Variants in FER1L5 observed in about 807,000 individuals in gnomAD.
The protein encoded by FER1L5 is fer-1-like protein 5.
In FER1L5, 187 loss-of-function variants were observed where a neutral mutation model predicts 279.9. The ratio of observed to expected loss-of-function variants is 0.67; its 90% CI spans 0.59 to 0.75. FER1L5 has a LOEUF of 0.75. FER1L5 is among the 30% of genes least tolerant of loss of function. FER1L5 has a pLI of 0.00. For synonymous variants in FER1L5, 921 were observed against 989.7 expected, an observed-to-expected ratio of 0.93 and a Z score of 1.30; for missense variants, 2,091 against 2,594.4, an observed-to-expected ratio of 0.81 and a Z score of 4.21.
chr2:96,689,702 C>T lies in FER1L5; in HGVS notation c.2584C>T (p.Gln862Ter). The change falls in exon 26 of 53, where the codon CAG becomes TAG. Residue 862 changes from glutamine (Q) to a stop codon, truncating the protein, a stop_gained. Transcript: ENST00000624922. LOFTEE classifies it high-confidence loss of function. The surrounding 1 kb of genome is among the most constrained non-coding windows in gnomAD (Gnocchi z 4.6). ...GGTGCTGGAGGAGGTATATGAGAAC[C>T]AGGGCCGTGACACCAGAGGGGCCTG... is the stretch of plus-strand genomic sequence containing the variant. ...SQVLEEVYEN[Q>*]GRDTRGAWGP... 6.4e-7 allele frequency: 1 copy of T among 1,550,870 alleles called. No homozygotes were observed. Among genetic ancestry groups the T allele is most frequent in the Non-Finnish European group, 8.7e-7 (1 of 1,146,840 alleles).
At chr2:96,659,187 C>A (rs2075721302) in intron 9 of FER1L5, among the ~76,000 whole-genome samples, 1 of 151,990 alleles carries the variant, frequency 6.6e-6, no homozygotes. Flanking sequence ...CCTGCCTCAG[C>A]CTCCCAAAGT....
intron 18 of FER1L5, among the ~76,000 whole-genome samples, 156 bp downstream of exon 18, chr2:96,670,403 G>C (rs2076280214): frequency 6.6e-6 from 1 of 152,188 alleles, no homozygotes; most frequent in South Asian, 2.1e-4. Context: ...ATTTACTAAG[G>C]CCCTGCTAGT....
intron 24 of FER1L5, among the ~76,000 whole-genome samples, chr2:96,688,262 A>T (rs1469971352): frequency 1.3e-5 from 2 of 152,150 alleles, no homozygotes; most frequent in Non-Finnish European, 2.9e-5. Flanking sequence ...CCTCTCCCTG[A>T]TGCAGGTTTA....
intron 18 of FER1L5, among the ~76,000 whole-genome samples, chr2:96,671,127 A>AAAAAAAAAAAAAAAAAAAAC (rs2076314788): frequency 6.6e-6 from 1 of 150,510 alleles, no homozygotes; most frequent in African/African-American, 2.5e-5. Context: ...AAAAAAAAAA[A>AAAAAAAAAAAAAAAAAAAAC]AGGAATCCCT....
intron 10 of FER1L5, among the ~76,000 whole-genome samples, chr2:96,660,826 T>C (rs1341655323): frequency 6.6e-6 from 1 of 152,224 alleles, no homozygotes; most frequent in Non-Finnish European, 1.5e-5. Flanking sequence ...AGTGCTGGGA[T>C]TATAGGCATG....
intron 18 of FER1L5, among the ~76,000 whole-genome samples, chr2:96,672,236 G>A (rs549301862): frequency 1.2e-4 from 18 of 152,096 alleles, no homozygotes; most frequent in Middle Eastern, 3.4e-3. Flanking sequence ...CCACCACCAC[G>A]CCCGGCTAAT....
intron 6 of FER1L5, 51 bp from the exon 7 acceptor site, chr2:96,651,841 C>G: frequency 6.4e-7 from 1 of 1,550,788 alleles, no homozygotes; most frequent in Non-Finnish European, 8.7e-7. Context: ...ACAATGTTGT[C>G]CCAGCTACAG....
At chr2:96,699,206 A>T in intron 42 of FER1L5, 70 bp downstream of exon 42, 3 of 1,487,356 alleles carry the variant, frequency 2.0e-6, no homozygotes, top group Non-Finnish European at 2.8e-6. Context: ...CGGCCGGAGA[A>T]GGCACAGAAC....
Position 96,700,328 on chromosome 2 carries a change from C to G in FER1L5, c.4931-4C>G. ...TCCCCTCCTTCCATCCCCCTCCAAT[C>G]CAGAGCCCAAAACCCCTACTGTTCA... On this transcript the variant is annotated splice_polypyrimidine_tract_variant and splice_region_variant and intron_variant, in intron 44 of 52. Transcript: ENST00000624922. The G allele has an allele frequency of 6.2e-7, 1 of 1,612,692 alleles. No individual in the cohort carries two copies. The highest frequency in any genetic ancestry group is 8.5e-7 in the Non-Finnish European group (1 of 1,179,886).
intron 14 of FER1L5, among the ~76,000 whole-genome samples, chr2:96,666,353 C>T (rs1259955653): frequency 6.6e-6 from 1 of 151,440 alleles, no homozygotes; most frequent in Non-Finnish European, 1.5e-5. Context: ...ACCTGGATGC[C>T]TTCTGGTGCC....
chr2:96,691,779 C>T lies in FER1L5; in HGVS notation c.3076-46C>T. ...GTGACTGGGCCTGGGCTAGAGGAAACAGGAGCAGCACCCAAGAGCCTCAGG... is the reference window on the plus strand; with the variant it reads ...GTGACTGGGCCTGGGCTAGAGGAAATAGGAGCAGCACCCAAGAGCCTCAGG... On this transcript the variant is annotated intron_variant, in intron 29 of 52. Transcript: ENST00000624922. This position sits in a 1 kb window ranked among gnomAD's most constrained non-coding sequence, Gnocchi z 6.0. The T allele has an allele frequency of 1.3e-6, 2 of 1,551,648 alleles. No individual in the cohort carries two copies. Among genetic ancestry groups the T allele is most frequent in the Non-Finnish European group, 1.7e-6 (2 of 1,146,990 alleles).
Position 96,702,526 on chromosome 2 carries a change from C to T in FER1L5, c.5256-74C>T. ...GCTCTGCCTGGCGTCGGCTGGGCAG[C>T]CCTTCCCATGGGGCTCCAGCTGGGG... On this transcript the variant is annotated intron_variant, in intron 47 of 52. Coordinates refer to ENST00000624922, the MANE Select transcript of FER1L5 (RefSeq NM_001293083.2). The surrounding 1 kb of genome is among the most constrained non-coding windows in gnomAD (Gnocchi z 4.0). The T allele has an allele frequency of 6.5e-7, 1 of 1,549,748 alleles. No individual in the cohort carries two copies. Among genetic ancestry groups the T allele is most frequent in the Middle Eastern group, 1.7e-4 (1 of 5,966 alleles).
chr2:96,686,474 G>A (rs1163707412), intron 23 of FER1L5, 124 bp downstream of exon 23: 7 of 1,119,390 alleles, frequency 6.3e-6, no homozygotes, highest in African/African-American at 3.1e-5. Context: ...ATGGAATGGG[G>A]TTGAAACAGT....
At chr2:96,673,342 A>T in intron 19 of FER1L5, 88 bp downstream of exon 19, 1 of 1,323,376 alleles carries the variant, frequency 7.6e-7, no homozygotes, top group East Asian at 2.5e-5. Flanking sequence ...TAGCTCATGG[A>T]AGATTCATAG....
At position 96,693,695 on chromosome 2, in the gene FER1L5, G is replaced by A. The variant is rs1354773097; in HGVS notation, c.3474+8G>A. The A allele has an allele frequency of 6.5e-7, 1 of 1,550,198 alleles. No homozygotes were observed. Among genetic ancestry groups the A allele is most frequent in the Admixed American group, 2.0e-5 (1 of 50,896 alleles). ...TGGCAGCGTGACTTCTGGGTAAGTT[G>A]GGCTGGGCAGAGCAAGGGGAAGAGG... On this transcript the variant is annotated splice_region_variant and intron_variant, in intron 32 of 52. Transcript: ENST00000624922.
In FER1L5 at chr2:96,688,357, C is replaced by T. The variant is rs141969242; in HGVS notation, c.2361+410C>T. Among the ~76,000 whole-genome samples the T allele has an allele frequency of 5.1e-3, 782 of 152,298 alleles. 2 individuals carry two copies. The highest frequency in any genetic ancestry group is 7.3e-3 in the Non-Finnish European group (494 of 68,014). On this transcript the variant is annotated intron_variant, in intron 24 of 52. Coordinates refer to ENST00000624922, the MANE Select transcript of FER1L5 (RefSeq NM_001293083.2). ...GGGGCCTCACCCATCACCAACAGGG[C>T]AGCCCGGGACCCCTGCAGGCCCCAG... is the stretch of plus-strand genomic sequence containing the variant.
Position 96,668,940 on chromosome 2 carries a change from G to A in FER1L5, c.1239G>A (p.Gln413=), listed in dbSNP as rs2076224239. The A allele has an allele frequency of 3.2e-6, 5 of 1,551,590 alleles. No homozygotes were observed. Among genetic ancestry groups the A allele is most frequent in the Non-Finnish European group, 4.4e-6 (5 of 1,146,954 alleles). ...EIGTASLSLN[Q]ISSTGEEIEG... Reference sequence around the variant, plus strand: ...GGACTGCCAGCCTGTCCCTCAACCAGATCTCGTCCACCGGAGAAGAGATAG... The same window carrying A: ...GGACTGCCAGCCTGTCCCTCAACCAAATCTCGTCCACCGGAGAAGAGATAG... The change falls in exon 16 of 53, where the codon CAG becomes CAA. Residue 413 remains glutamine (Q), a synonymous_variant. Transcript: ENST00000624922.
chr2:96,685,961 C>A lies in FER1L5; in HGVS notation c.1917C>A (p.Thr639=). 6.5e-7 allele frequency: 1 copy of A among 1,547,570 alleles called. No individual in the cohort carries two copies. The highest frequency in any genetic ancestry group is 2.0e-5 in the Admixed American group (1 of 50,662). The change falls in exon 22 of 53, where the codon ACC becomes ACA. Residue 639 remains threonine, a synonymous_variant. Coordinates refer to ENST00000624922, the MANE Select transcript of FER1L5 (RefSeq NM_001293083.2). The part of the protein sequence containing the change: ...EDCKRPLPCM[T]YQPKATSLDR... ...ACAGGCGCCCTCTGCCCTGCATGAC[C>A]TATCAGCCCAAAGCCACCAGCCTGG...
At chr2:96,695,930 C>T in intron 36 of FER1L5, 26 bp downstream of exon 36, 1 of 1,611,774 alleles carries the variant, frequency 6.2e-7, no homozygotes, top group East Asian at 2.2e-5. Context: ...CGTGCCTTTC[C>T]CCAGGCCTCA....
Sources: allele counts gnomAD v4.1 joint callset (sites outside exome capture counted in the v4.1 genomes callset), GRCh38; gene constraint gnomAD v4.1.1; non-coding constraint Gnocchi (gnomAD v3.1); transcripts MANE v1.5; gene names NCBI Gene and HGNC (gene_info 2026-07-23, HGNC 2026-07-21).